The following SBF2 variants were observed in gnomAD, a reference collection of about 807,000 sequenced individuals.
The protein encoded by SBF2 is myotubularin-related protein 13.
In SBF2, 112 loss-of-function variants were observed where a neutral mutation model predicts 225.2. That is an observed-to-expected ratio of 0.50 (90% confidence interval 0.43 to 0.58). SBF2 has a LOEUF of 0.58. Ranked by LOEUF, SBF2 falls within the 20% of genes least tolerant of loss-of-function variation. SBF2 has a pLI of 0.00. For missense variants in SBF2, 1,996 were observed against 2,206.2 expected (o/e 0.90, Z 1.91); for synonymous variants, 763 against 773.3 (o/e 0.99, Z 0.22).
intron 32 of SBF2, among the ~76,000 whole-genome samples, chr11:9,804,268 A>G (rs1245833912): frequency 6.6e-6 from 1 of 152,202 alleles, no homozygotes; most frequent in Non-Finnish European, 1.5e-5. Context: ...ATTTCCCTGG[A>G]CCTATTTCCT....
At chr11:10,274,624 A>C (rs1233415125) in intron 1 of SBF2, among the ~76,000 whole-genome samples, 1 of 151,846 alleles carries the variant, frequency 6.6e-6, no homozygotes, top group Non-Finnish European at 1.5e-5. Flanking sequence ...GGTGGTGGGC[A>C]CCTGTAATCC....
intron 32 of SBF2, among the ~76,000 whole-genome samples, chr11:9,802,943 CT>C (rs1484170753): frequency 6.6e-6 from 1 of 152,106 alleles, no homozygotes; most frequent in Non-Finnish European, 1.5e-5. Flanking sequence ...TTTGCTATGA[CT>C]TGTCTGCACT....
chr11:10,219,503 G>T (rs566288781), intron 1 of SBF2, among the ~76,000 whole-genome samples: 22 of 152,326 alleles, frequency 1.4e-4, no homozygotes, highest in African/African-American at 5.3e-4. Context: ...TTTCCCCATT[G>T]TCTTGGTGAT....
rs541262275 is a variant in SBF2, at chr11:10,272,459, T to C, written c.55+21556A>G. Among the ~76,000 whole-genome samples the C allele has an allele frequency of 3.9e-5, 6 of 152,304 alleles. No individual in the cohort carries two copies. In the South Asian group the frequency reaches 1.2e-3, roughly 32 times the overall value. ...AACAACCCTGGGCAAACACGGTGATTTCACCATACCATTTCTTTAAAATTA... is the reference window on the plus strand; with the variant it reads ...AACAACCCTGGGCAAACACGGTGATCTCACCATACCATTTCTTTAAAATTA... On this transcript the variant is annotated intron_variant, in intron 1 of 39. Transcript: ENST00000256190.
intron 2 of SBF2, among the ~76,000 whole-genome samples, chr11:10,082,844 A>G (rs546991465): frequency 5.9e-5 from 9 of 152,234 alleles, no homozygotes; most frequent in African/African-American, 2.2e-4. Flanking sequence ...GATGCTCGCT[A>G]TCACCACTCC....
In SBF2 at chr11:9,998,350, T is replaced by G. The variant is rs1947800944; in HGVS notation, c.891A>C (p.Gly297=). The G allele has an allele frequency of 1.2e-6, 2 of 1,601,828 alleles. No homozygotes were observed. The highest frequency in any genetic ancestry group is 2.7e-5 in the African/African-American group (2 of 74,668). ...TACATTCGGGAATTTTAATAGTGCC[T>G]CCATCCAAATCTGCTATGATTACAT... ...LLDVIIADLD[G]GTIKIPECIH... is the part of the protein sequence containing the mutation. Residue 297 remains glycine, a synonymous_variant, in exon 9 of 40, where the codon GGA becomes GGC. Coordinates refer to ENST00000256190, the MANE Select transcript of SBF2 (RefSeq NM_030962.4).
At chr11:10,082,018 A>G (rs184191441) in intron 2 of SBF2, among the ~76,000 whole-genome samples, 10 of 152,254 alleles carry the variant, frequency 6.6e-5, no homozygotes, top group Admixed American at 1.3e-4. Flanking sequence ...AGAAGATTCA[A>G]ATAAACACAA....
At chr11:10,255,082 G>A (rs562412317) in intron 1 of SBF2, among the ~76,000 whole-genome samples, 3 of 152,046 alleles carry the variant, frequency 2.0e-5, no homozygotes, top group African/African-American at 7.3e-5. Context: ...GGTTATCAGG[G>A]ACTAGCAGGT....
chr11:10,066,200 T>C (rs963690848), intron 2 of SBF2, among the ~76,000 whole-genome samples: 8 of 151,814 alleles, frequency 5.3e-5, no homozygotes, highest in South Asian at 2.1e-4. Context: ...CGGAAAAATA[T>C]AGAATACTTT....
rs1414060773 is a variant in SBF2 at position 9,951,241 on chromosome 11, T to C, written c.1860+10716A>G. On this transcript the variant is annotated intron_variant, in intron 16 of 39. Coordinates refer to ENST00000256190, the MANE Select transcript of SBF2 (RefSeq NM_030962.4). ...CTGACAGCAGTGAACGATGAGACTG[T>C]AGATATAGGCAGGGGCCAAGATAAG... is the stretch of plus-strand genomic sequence containing the variant. 2.0e-5 allele frequency among the ~76,000 whole-genome samples: 3 copies of C among 152,170 alleles called. No individual in the cohort carries two copies. The East Asian group carries it at 5.8e-4, about 29-fold the overall frequency.
intron 2 of SBF2, among the ~76,000 whole-genome samples, chr11:10,050,328 C>T (rs957518497): frequency 6.6e-6 from 1 of 152,086 alleles, no homozygotes; most frequent in African/African-American, 2.4e-5. Flanking sequence ...GCATATAAGT[C>T]CCCTCTTATC....
At chr11:9,851,153 CAACA>C (rs1856920733) in intron 21 of SBF2, among the ~76,000 whole-genome samples, 1 of 120,804 alleles carries the variant, frequency 8.3e-6, no homozygotes, top group African/African-American at 2.9e-5. Context: ...AAAAAAACAA[CAACA>C]AAAAAAAACC....
chr11:10,131,975 T>C (rs1954082388), intron 2 of SBF2, among the ~76,000 whole-genome samples: 3 of 152,242 alleles, frequency 2.0e-5, no homozygotes, highest in Non-Finnish European at 4.4e-5. Flanking sequence ...AAAAGTTTTA[T>C]AGTTTTACAT....
At chr11:10,045,414 G>A (rs1052448703) in intron 2 of SBF2, among the ~76,000 whole-genome samples, 7 of 152,170 alleles carry the variant, frequency 4.6e-5, no homozygotes, top group South Asian at 4.1e-4. Context: ...TGATCCACCC[G>A]CCTTGGCCTC....
At chr11:9,843,519 G>A (rs1438487475) in intron 24 of SBF2, among the ~76,000 whole-genome samples, 2 of 152,296 alleles carry the variant, frequency 1.3e-5, no homozygotes, top group Admixed American at 6.5e-5. Flanking sequence ...ATTAAACAGA[G>A]AACCTATTTC....
At chr11:9,869,726 C>A (rs1426586325) in intron 17 of SBF2, among the ~76,000 whole-genome samples, 1 of 152,110 alleles carries the variant, frequency 6.6e-6, no homozygotes, top group East Asian at 1.9e-4. Flanking sequence ...CCATATATAA[C>A]AAACCCACAG....
intron 3 of SBF2, among the ~76,000 whole-genome samples, chr11:10,031,631 G>A (rs1390394601): frequency 1.3e-5 from 2 of 152,194 alleles, no homozygotes; most frequent in African/African-American, 4.8e-5. Context: ...TCTCAAACAA[G>A]GATTCTAAGG....
intron 4 of SBF2, among the ~76,000 whole-genome samples, chr11:10,030,671 C>T (rs1484950941): frequency 1.3e-5 from 2 of 152,122 alleles, no homozygotes; most frequent in Non-Finnish European, 2.9e-5. Flanking sequence ...ATCTCAAACA[C>T]CCACCCTATT....
intron 34 of SBF2, among the ~76,000 whole-genome samples, chr11:9,789,844 T>C (rs560126014): frequency 3.9e-5 from 6 of 152,376 alleles, no homozygotes; most frequent in African/African-American, 1.2e-4. Flanking sequence ...AGTAGCCTGG[T>C]GAGCAGCCTG....
Sources: gnomAD v4.1 joint callset for allele counts (sites outside exome capture counted in the v4.1 genomes callset) on GRCh38, gnomAD v4.1.1 for gene constraint, MANE v1.5 for transcripts, NCBI Gene and HGNC (gene_info 2026-07-23, HGNC 2026-07-21) for gene names.